WNT2B: variants seen among roughly 807,000 people sequenced by gnomAD.
The protein encoded by WNT2B is protein Wnt-2b.
WNT2B carries 19 observed loss-of-function variants against 40.5 expected under a neutral mutation model. The observed-to-expected ratio is 0.47, with a 90% CI of 0.33 to 0.69. The LOEUF is 0.69. WNT2B is among the 30% of genes least tolerant of loss of function. The pLI is 0.02. For synonymous variants in WNT2B, 220 were observed against 211.9 expected (o/e 1.04, Z -0.33); for missense variants, 467 against 556.4 (o/e 0.84, Z 1.62).
At chr1:112,491,044 A>T in intron 1 of WNT2B, 1 of 1,614,144 alleles carries the variant, frequency 6.2e-7, no homozygotes, top group Non-Finnish European at 8.5e-7. Flanking sequence ...AGTACCTGGC[A>T]TACCTACACA....
chr1:112,492,266 T>C (rs183462063), intron 1 of WNT2B, among the ~76,000 whole-genome samples: 3 of 152,304 alleles, frequency 2.0e-5, no homozygotes, highest in Non-Finnish European at 2.9e-5. Flanking sequence ...AACACCCTTC[T>C]TACATCCACC....
At chr1:112,508,141 T>C (rs1181721094), upstream of WNT2B, among the ~76,000 whole-genome samples, 1 of 152,004 alleles carries the variant, frequency 6.6e-6, no homozygotes, top group African/African-American at 2.4e-5. This position sits in a 1 kb window ranked among gnomAD's most constrained non-coding sequence, Gnocchi z 4.2. Context: ...CCCTGGCCTC[T>C]GGTGCGGGAA....
At chr1:112,497,714 A>T (rs76077909) in intron 1 of WNT2B, among the ~76,000 whole-genome samples, 252 of 152,198 alleles carry the variant, frequency 1.7e-3, no homozygotes, top group Non-Finnish European at 2.0e-3. Context: ...TTCTCTCTAA[A>T]CATGCTTTTT....
At chr1:112,513,578 C>T (rs1484686594) in intron 1 of WNT2B, among the ~76,000 whole-genome samples, 4 of 152,110 alleles carry the variant, frequency 2.6e-5, no homozygotes, top group African/African-American at 9.7e-5. Flanking sequence ...GAGCCCAGGG[C>T]AGTCTAGCTT....
In WNT2B at chr1:112,514,982, C is replaced by T. The variant is rs535167553; in HGVS notation, c.291C>T (p.Gly97=). 29 of 1,614,172 alleles carry T rather than the reference C, an allele frequency of 1.8e-5. No homozygotes were observed. The highest frequency in any genetic ancestry group is 4.5e-5 in the East Asian group (2 of 44,878). ...ACCCAGACATCATGCGTTCAGTGGG[C>T]GAGGGTGCCCGAGAATGGATCCGAG... ...QRYPDIMRSV[G]EGAREWIREC... Residue 97 remains glycine (G), a synonymous_variant, in exon 2 of 5, where the codon GGC becomes GGT. Transcript: ENST00000369684.
chr1:112,493,489 G>C (rs139072788), intron 1 of WNT2B, among the ~76,000 whole-genome samples: 1 of 152,120 alleles, frequency 6.6e-6, no homozygotes. Flanking sequence ...AGGCATGGTG[G>C]TGCACGCTTG....
chr1:112,497,206 G>C (rs1253701913), intron 1 of WNT2B, among the ~76,000 whole-genome samples: 1 of 152,162 alleles, frequency 6.6e-6, no homozygotes, highest in Admixed American at 6.5e-5. Context: ...TGAGGTCTCA[G>C]GGGTGGTCCT....
intron 1 of WNT2B, among the ~76,000 whole-genome samples, chr1:112,498,242 T>C (rs1651840511): frequency 1.3e-5 from 2 of 151,970 alleles, no homozygotes; most frequent in South Asian, 4.1e-4. Flanking sequence ...CATGATCTCA[T>C]TCCTTTTTTT....
chr1:112,477,443 A>C (rs371599016), intron 1 of WNT2B, among the ~76,000 whole-genome samples: 46 of 150,504 alleles, frequency 3.1e-4, no homozygotes, highest in Middle Eastern at 3.4e-3. Flanking sequence ...TACTTCAAAC[A>C]TGCAGACATC....
chr1:112,482,808 A>C (rs1651267953), intron 1 of WNT2B, among the ~76,000 whole-genome samples: 1 of 152,252 alleles, frequency 6.6e-6, no homozygotes, highest in Admixed American at 6.5e-5. Context: ...TAGATAAATG[A>C]AAAAGATATC....
chr1:112,468,621 C>T (rs1033871763), intron 1 of WNT2B, among the ~76,000 whole-genome samples: 1 of 151,832 alleles, frequency 6.6e-6, no homozygotes, highest in African/African-American at 2.4e-5. Context: ...TCTATTCATG[C>T]CAGTTTCCCA....
chr1:112,503,167 C>G (rs1652009956), intron 1 of WNT2B, among the ~76,000 whole-genome samples: 1 of 152,116 alleles, frequency 6.6e-6, no homozygotes, highest in African/African-American at 2.4e-5. Flanking sequence ...GGCCTGCTGG[C>G]TAACAGTACC....
chr1:112,486,740 C>A (rs1651430420), intron 1 of WNT2B, among the ~76,000 whole-genome samples: 1 of 151,724 alleles, frequency 6.6e-6, no homozygotes, highest in Non-Finnish European at 1.5e-5. Context: ...ATGAAAAGAT[C>A]ATTAGTCATT....
chr1:112,490,198 T>C (rs1651552875), intron 1 of WNT2B, among the ~76,000 whole-genome samples: 4 of 152,090 alleles, frequency 2.6e-5, no homozygotes, highest in Admixed American at 2.6e-4. Flanking sequence ...TAGCATTAAC[T>C]CGACTCTCTG....
chr1:112,483,159 A>G (rs1651280903), intron 1 of WNT2B, among the ~76,000 whole-genome samples: 1 of 149,218 alleles, frequency 6.7e-6, no homozygotes, highest in African/African-American at 2.4e-5. Context: ...TAGCCACTGC[A>G]CTCTAGCCTG....
intron 2 of WNT2B, 69 bp from the exon 3 acceptor site, chr1:112,516,071 G>T: frequency 6.5e-7 from 1 of 1,544,914 alleles, no homozygotes; most frequent in African/African-American, 1.4e-5. Context: ...GTCAGAGGTT[G>T]TATGGGCTGA....
Position 112,509,074 on chromosome 1 carries a change from G to T in WNT2B, c.-189G>T. ...GTTCGGCACGCCGTCGTCGGCTTCC[G>T]GACATCGCAACTTGCGCCCCTCTCG... On this transcript the variant is annotated 5_prime_UTR_variant, in exon 1 of 5. Transcript: ENST00000369684. This position sits in a 1 kb window ranked among gnomAD's most constrained non-coding sequence, Gnocchi z 4.2. 7.4e-7 allele frequency: 1 copy of T among 1,349,512 alleles called. No individual in the cohort carries two copies. Among genetic ancestry groups the T allele is most frequent in the Non-Finnish European group, 9.4e-7 (1 of 1,059,808 alleles). The allele number at this position is 1,349,512 out of a possible 1,614,324, so 83.6% of individuals were successfully genotyped here.
chr1:112,512,844 G>A (rs1035019648), intron 1 of WNT2B, among the ~76,000 whole-genome samples: 5 of 152,180 alleles, frequency 3.3e-5, no homozygotes, highest in East Asian at 1.9e-4. Context: ...GCAAGCAAGC[G>A]CCATGCTCTG....
At position 112,520,157 on chromosome 1, in the gene WNT2B, T is replaced by C. The variant is rs141751661; in HGVS notation, c.947-123T>C. The C allele has an allele frequency of 1.2e-3, 1,098 of 890,432 alleles. 7 individuals carry two copies. In the African/African-American group the frequency reaches 0.016, roughly 13 times the overall value. 55.2% of individuals were successfully genotyped at this position (890,432 alleles called of 1,614,324 possible). ...AAAATGCTGGGATGATAGGCATGAG[T>C]GAGCCACTGTGCCCAGCCCAAAAAA... On this transcript the variant is annotated intron_variant, in intron 4 of 4. Coordinates refer to ENST00000369684, the MANE Select transcript of WNT2B (RefSeq NM_024494.3).
Sources: gnomAD v4.1 joint callset for allele counts (sites outside exome capture counted in the v4.1 genomes callset) on GRCh38, gnomAD v4.1.1 for gene constraint, Gnocchi (gnomAD v3.1) non-coding constraint, MANE v1.5 for transcripts, NCBI Gene and HGNC (gene_info 2026-07-23, HGNC 2026-07-21) for gene names.